Variants in UBN1 observed in about 807,000 individuals in gnomAD.
UBN1 encodes ubinuclein 1.
UBN1 carries 17 observed loss-of-function variants against 108.5 expected under a neutral mutation model. That is an observed-to-expected ratio of 0.16 (90% confidence interval 0.11 to 0.24). The LOEUF (loss-of-function observed/expected upper bound fraction) is 0.24. UBN1 is among the 10% of genes least tolerant of loss of function. The probability of loss-of-function intolerance (pLI) is 1.00; values close to 1 mark genes in which losing one functional copy is unlikely to be tolerated. For missense variants in UBN1, 1,595 were observed against 1,394.4 expected (o/e 1.14, Z -2.29); for synonymous variants, 726 against 564.2 (o/e 1.29, Z -4.07).
At chr16:4,875,751 C>G (rs972521764) in intron 15 of UBN1, among the ~76,000 whole-genome samples, 2 of 152,138 alleles carry the variant, frequency 1.3e-5, no homozygotes, top group African/African-American at 4.8e-5. Flanking sequence ...TTCCGTGACC[C>G]CTTGCCTCTC....
rs751366384 is a variant in UBN1 at position 4,880,053 on chromosome 16, T to TG, written c.3356-29dup. 337 of 1,613,086 alleles carry TG rather than the reference T, an allele frequency of 2.1e-4. 3 individuals carry two copies. Among genetic ancestry groups the TG allele is most frequent in the Non-Finnish European group, 1.7e-4 (198 of 1,179,228 alleles). On this transcript the variant is annotated intron_variant, in intron 17 of 17. Transcript: ENST00000262376. ...AGGAAATCAGAGAGCATGAAAAACT[T>TG]GCGTTCTAATTTTTCTTACTCTTTT...
intron 15 of UBN1, among the ~76,000 whole-genome samples, chr16:4,875,655 A>G (rs1189309526): frequency 6.6e-6 from 1 of 152,194 alleles, no homozygotes; most frequent in Non-Finnish European, 1.5e-5. Flanking sequence ...TGAGGAGGGC[A>G]GAGGGACCTA....
Position 4,859,284 on chromosome 16 carries a change from G to A in UBN1, c.567+125G>A, listed in dbSNP as rs553091467. On this transcript the variant is annotated intron_variant, in intron 5 of 17. Transcript: ENST00000262376. Reference sequence around the variant, plus strand: ...AGGAGGATGGTGGAAAGGCAGAGCCGTGCCAGGTTGATGGCTCGCCTCTTA... The same window carrying A: ...AGGAGGATGGTGGAAAGGCAGAGCCATGCCAGGTTGATGGCTCGCCTCTTA... 1.7e-5 allele frequency: 23 copies of A among 1,352,666 alleles called. No homozygotes were observed. The Admixed American group carries it at 2.2e-4, about 13-fold the overall frequency. 83.8% of individuals were successfully genotyped at this position (1,352,666 alleles called of 1,614,324 possible). A position where few individuals can be genotyped will look rare whatever the true frequency, so the allele number is the denominator to read the frequency against.
chr16:4,860,087 T>TCCTCCCGCACG (rs1224240954), intron 6 of UBN1, 119 bp downstream of exon 6: 10 of 1,321,054 alleles, frequency 7.6e-6, no homozygotes, highest in South Asian at 4.2e-5. Flanking sequence ...GGCCTTCCTG[T>TCCTCCCGCACG]CCTCCCGCAC....
Position 4,858,090 on chromosome 16 carries a change from C to T in UBN1, c.336+14C>T. The stretch of plus-strand genomic sequence containing the variant: ...GAAGAAAAATACGTAAGATTTCTCT[C>T]TTGAATAACAAAACAACCTCATTGG... On this transcript the variant is annotated intron_variant, in intron 3 of 17. Transcript: ENST00000262376. The T allele has an allele frequency of 6.3e-7, 1 of 1,577,314 alleles. No homozygotes were observed. The highest frequency in any genetic ancestry group is 1.7e-5 in the Admixed American group (1 of 59,644).
At chr16:4,851,897 CAAG>C (rs1346530413) in intron 1 of UBN1, among the ~76,000 whole-genome samples, 9 of 151,908 alleles carry the variant, frequency 5.9e-5, no homozygotes, top group South Asian at 4.1e-4. Context: ...AATAACAAAA[CAAG>C]AAGAAGTACT....
chr16:4,864,558 C>G (rs1322717096), intron 7 of UBN1, among the ~76,000 whole-genome samples: 1 of 152,092 alleles, frequency 6.6e-6, no homozygotes, highest in Non-Finnish European at 1.5e-5. Flanking sequence ...TTACCCTGCC[C>G]TCTGTTAATA....
chr16:4,877,007 A>G lies in UBN1; in HGVS notation c.3161A>G (p.His1054Arg), dbSNP rs1443176999. 10 of 1,614,166 alleles carry G rather than the reference A, an allele frequency of 6.2e-6. No individual in the cohort carries two copies. Among genetic ancestry groups the G allele is most frequent in the Non-Finnish European group, 8.5e-6 (10 of 1,180,026 alleles). Residue 1054 changes from histidine (H) to arginine (R), a missense_variant, in exon 16 of 18, where the codon CAT (histidine) becomes CGT (arginine). Physicochemically the swap from His to Arg is conservative, Grantham distance 29. Around this residue, in one of 3 missense-constraint regions of UBN1, gnomAD observed 1,398 missense variants for 1,194.7 expected, o/e 1.17. Coordinates refer to ENST00000262376, the MANE Select transcript of UBN1 (RefSeq NM_001079514.3). This position sits in a 1 kb window ranked among gnomAD's most constrained non-coding sequence, Gnocchi z 4.3. ...GIITPVPIPV[H>R]VLSFSADSSA... Reference sequence around the variant, plus strand: ...ATAACCCCTGTCCCTATTCCTGTCCATGTGCTCTCCTTCAGCGCTGACTCC... The same window carrying G: ...ATAACCCCTGTCCCTATTCCTGTCCGTGTGCTCTCCTTCAGCGCTGACTCC...
Position 4,874,812 on chromosome 16 carries a change from G to A in UBN1, c.2402G>A (p.Gly801Asp), listed in dbSNP as rs1428971339. ...HGPQVAVPVP[G>D]PQVKVFHAGT... ...CCCCAAGTGGCAGTTCCTGTGCCTG[G>A]CCCCCAGGTCAAAGTCTTTCATGCC... The change falls in exon 15 of 18, where the codon GGC becomes GAC. Residue 801 changes from glycine (G) to aspartate (D), a missense_variant. Coordinates refer to ENST00000262376, the MANE Select transcript of UBN1 (RefSeq NM_001079514.3). 1 of 1,613,972 alleles carries A rather than the reference G, an allele frequency of 6.2e-7. No individual in the cohort carries two copies. The highest frequency in any genetic ancestry group is 8.5e-7 in the Non-Finnish European group (1 of 1,180,026).
intron 1 of UBN1, among the ~76,000 whole-genome samples, chr16:4,848,632 A>C (rs539420809): frequency 6.6e-6 from 1 of 152,324 alleles, no homozygotes; most frequent in African/African-American, 2.4e-5. Context: ...TCCCTGAAGT[A>C]CCAAGAATTA....
At chr16:4,864,436 C>T (rs1267542386) in intron 7 of UBN1, among the ~76,000 whole-genome samples, 1 of 152,168 alleles carries the variant, frequency 6.6e-6, no homozygotes, top group African/African-American at 2.4e-5. Context: ...TGAGAGGGAA[C>T]CTTGGTGATG....
At chr16:4,852,036 G>GGTTGTC (rs2086584313) in intron 1 of UBN1, among the ~76,000 whole-genome samples, 5 of 152,124 alleles carry the variant, frequency 3.3e-5, no homozygotes, top group African/African-American at 9.7e-5. Context: ...ATTGTCATTT[G>GGTTGTC]ATTGTCATTT....
At chr16:4,871,412 C>G (rs2087624316) in intron 12 of UBN1, 111 bp downstream of exon 12, 2 of 1,465,628 alleles carry the variant, frequency 1.4e-6, no homozygotes, top group Non-Finnish European at 1.8e-6. Flanking sequence ...GTCTAGCTGC[C>G]TCAACTCTGA....
Position 4,875,042 on chromosome 16 carries a change from T to C in UBN1, c.2632T>C (p.Ser878Pro). 6.2e-7 allele frequency: 1 copy of C among 1,614,020 alleles called. No homozygotes were observed. Among genetic ancestry groups the C allele is most frequent in the Middle Eastern group, 1.6e-4 (1 of 6,062 alleles). ...SSSSSHKTPASSSSALSHPAK... is the reference protein window; with the variant it reads ...SSSSSHKTPAPSSSALSHPAK... ...CAGCAGCTCTCACAAGACCCCAGCC[T>C]CGTCCTCTTCTGCCCTGAGCCATCC... Residue 878 changes from serine to proline, a missense_variant, in exon 15 of 18, where the codon TCG (serine) becomes CCG (proline). Transcript: ENST00000262376.
chr16:4,859,414 C>G (rs2086957978), intron 5 of UBN1, among the ~76,000 whole-genome samples: 1 of 152,164 alleles, frequency 6.6e-6, no homozygotes, highest in African/African-American at 2.4e-5. Context: ...GGGGTCGTTT[C>G]TGGAGGTGGC....
chr16:4,853,133 A>G lies in UBN1; in HGVS notation c.216A>G (p.Arg72=), dbSNP rs1348016226. The G allele has an allele frequency of 6.2e-7, 1 of 1,614,206 alleles. No individual in the cohort carries two copies. The highest frequency in any genetic ancestry group is 1.1e-5 in the South Asian group (1 of 91,084). ...ACCCAGAGCTGGTGAAGAATATCCG[A>G]GGGAAGGTAAAAGGCCTTCAGCCTG... ...FFYPELVKNI[R]GKVKGLQPGD... is the part of the protein sequence containing the mutation. The change falls in exon 2 of 18, where the codon CGA becomes CGG. Residue 72 remains arginine, a synonymous_variant. Coordinates refer to ENST00000262376, the MANE Select transcript of UBN1 (RefSeq NM_001079514.3).
chr16:4,872,804 A>T, intron 12 of UBN1, 80 bp from the exon 13 acceptor site: 1 of 1,518,594 alleles, frequency 6.6e-7, no homozygotes, highest in Non-Finnish European at 9.1e-7. Flanking sequence ...ACTGAGGACC[A>T]GGGACACTAG....
rs201704795 is a variant in UBN1 at position 4,874,377 on chromosome 16, A to G, written c.1967A>G (p.Asn656Ser). Residue 656 changes from asparagine (N) to serine (S), a missense_variant, in exon 15 of 18, where the codon AAC (asparagine) becomes AGC (serine). Coordinates refer to ENST00000262376, the MANE Select transcript of UBN1 (RefSeq NM_001079514.3). ...GGCCTTGCTAACCCTCCTCCTGTCA[A>G]CCTGGAGGACTCATTGGATGAAGAC... ...SGGLANPPPVNLEDSLDEDLI... is the reference protein window; with the variant it reads ...SGGLANPPPVSLEDSLDEDLI... 4.4e-5 allele frequency: 71 copies of G among 1,613,626 alleles called. No individual in the cohort carries two copies. In the East Asian group the frequency reaches 1.5e-3, roughly 34 times the overall value.
Position 4,860,029 on chromosome 16 carries a change from G to T in UBN1, c.671+61G>T. On this transcript the variant is annotated intron_variant, in intron 6 of 17. Coordinates refer to ENST00000262376, the MANE Select transcript of UBN1 (RefSeq NM_001079514.3). Reference sequence around the variant, plus strand: ...TGAACTGTTAGGGCAGGACGACTGGGAGCTGACTCACCTCCTCCCCACAGC... The same window carrying T: ...TGAACTGTTAGGGCAGGACGACTGGTAGCTGACTCACCTCCTCCCCACAGC... 3 of 1,598,938 alleles carry T rather than the reference G, an allele frequency of 1.9e-6. No individual in the cohort carries two copies. The Admixed American group carries it at 5.2e-5, about 28-fold the overall frequency.
Sources: allele counts gnomAD v4.1 joint callset (sites outside exome capture counted in the v4.1 genomes callset), GRCh38; gene constraint gnomAD v4.1.1; regional missense constraint gnomAD v4.1.1; non-coding constraint Gnocchi (gnomAD v3.1); transcripts MANE v1.5; gene names NCBI Gene and HGNC (gene_info 2026-07-23, HGNC 2026-07-21).